Variants in SP110 observed in about 807,000 individuals in gnomAD.
SP110 encodes SP110 nuclear body protein.
SP110 carries 62 observed loss-of-function variants against 92.7 expected under a neutral mutation model. The observed-to-expected ratio is 0.67, with a 90% CI of 0.55 to 0.83. The LOEUF (loss-of-function observed/expected upper bound fraction) is 0.83, where lower values mean the gene tolerates loss of function less well. Ranked by LOEUF, SP110 falls within the 40% of genes least tolerant of loss-of-function variation. The pLI is 0.00. For synonymous variants in SP110, 273 were observed against 305.3 expected (o/e 0.89, Z 1.10); for missense variants, 793 against 863.9 (o/e 0.92, Z 1.03).
rs1333295135 is a variant in SP110, at chr2:230,202,585, A to T, written c.1042T>A (p.Ser348Thr). The T allele has an allele frequency of 8.7e-6, 14 of 1,614,010 alleles. No homozygotes were observed. The highest frequency in any genetic ancestry group is 8.5e-7 in the Non-Finnish European group (1 of 1,180,014). Residue 348 changes from serine (S) to threonine (T), a missense_variant, in exon 9 of 19, where the codon TCA becomes ACA. By Grantham distance (58) the Ser-to-Thr change is moderately conservative. Transcript: ENST00000258381. ...ARTECARKSRSEEIIDGTSEM... is the reference protein window; with the variant it reads ...ARTECARKSRTEEIIDGTSEM... ...ATTCCATCATCAGCCTTACCCTCTG[A>T]TCTCGACTTTCGGGCACATTCAGTT...
At chr2:230,172,308 A>T in intron 15 of SP110, 134 bp from the exon 16 acceptor site, 2 of 736,072 alleles carry the variant, frequency 2.7e-6, no homozygotes, top group East Asian at 5.1e-5. Context: ...AGTGTCCAAG[A>T]TCCCCACATG....
chr2:230,170,808 C>T, intron 17 of SP110, 47 bp from the exon 18 acceptor site: 5 of 1,598,150 alleles, frequency 3.1e-6, no homozygotes, highest in East Asian at 4.5e-5. Context: ...GCTGTCATCA[C>T]TGGAATGGAT....
rs544471436 is a variant in SP110 at position 230,177,309 on chromosome 2, C to T, written c.1590+229G>A. ...CTCTCTTCACCTCAAAGCCCTTTGC[C>T]GGCATTTAAAGTTCCTGTACTCCTT... On this transcript the variant is annotated intron_variant, in intron 14 of 18. Coordinates refer to ENST00000258381, the MANE Select transcript of SP110 (RefSeq NM_080424.4). 45 of 571,048 alleles carry T rather than the reference C, an allele frequency of 7.9e-5. 1 individual carries two copies. Among genetic ancestry groups the T allele is most frequent in the African/African-American group, 3.4e-4 (18 of 53,228 alleles). The allele number at this position is 571,048 out of a possible 1,614,324, so 35.4% of individuals were successfully genotyped here.
At position 230,180,466 on chromosome 2, in the gene SP110, T is replaced by TA. The variant is rs2042081962; in HGVS notation, c.1349-2212dup. On this transcript the variant is annotated intron_variant, in intron 12 of 18. Coordinates refer to ENST00000258381, the MANE Select transcript of SP110 (RefSeq NM_080424.4). ...GATGGGGCGGTGGGAGGAAAAGTGATAGTCAAGGAAACAGTAAGAGCAGCA... is the reference window on the plus strand; with the variant it reads ...GATGGGGCGGTGGGAGGAAAAGTGATAAGTCAAGGAAACAGTAAGAGCAGCA... 1.3e-5 allele frequency among the ~76,000 whole-genome samples: 2 copies of TA among 151,958 alleles called. 1 individual carries two copies. The highest frequency in any genetic ancestry group is 4.2e-4 in the South Asian group (2 of 4,806).
intron 12 of SP110, among the ~76,000 whole-genome samples, chr2:230,181,573 A>G (rs2042128240): frequency 6.6e-6 from 1 of 152,240 alleles, no homozygotes; most frequent in Non-Finnish European, 1.5e-5. Context: ...TCTAATATCC[A>G]GAATTTACAA....
chr2:230,215,372 A>C (rs2045009395), intron 2 of SP110, among the ~76,000 whole-genome samples: 1 of 152,234 alleles, frequency 6.6e-6, no homozygotes, highest in South Asian at 2.1e-4. Context: ...TATATTCTGA[A>C]TCCAACTTTC....
intron 7 of SP110, among the ~76,000 whole-genome samples, chr2:230,209,227 G>T (rs558277786): frequency 6.2e-4 from 94 of 152,266 alleles, no homozygotes; most frequent in African/African-American, 2.2e-3. Flanking sequence ...TCTATAGCTT[G>T]CCTTTGGGTA....
intron 3 of SP110, 27 bp downstream of exon 3, chr2:230,214,923 C>T: frequency 6.8e-6 from 11 of 1,607,462 alleles, no homozygotes; most frequent in Non-Finnish European, 8.5e-6. Flanking sequence ...TTTTTAAATG[C>T]AAAAAGCACT....
chr2:230,165,575 G>A lies in SP110; in HGVS notation c.*3549C>T, dbSNP rs1297992941. 6.6e-6 allele frequency among the ~76,000 whole-genome samples: 1 copy of A among 151,956 alleles called. No individual in the cohort carries two copies. Among genetic ancestry groups the A allele is most frequent in the Non-Finnish European group, 1.5e-5 (1 of 68,002 alleles). ...AATTGAATAGAATAAACATTATAGA[G>A]TAAAAGCAAAAAAATTAATACTAAT... On this transcript the variant is annotated 3_prime_UTR_variant, in exon 19 of 19. Coordinates refer to ENST00000258381, the MANE Select transcript of SP110 (RefSeq NM_080424.4).
At position 230,172,904 on chromosome 2, in the gene SP110, C is replaced by T; in HGVS notation, c.1646G>A (p.Cys549Tyr). The change falls in exon 15 of 19, where the codon TGC becomes TAC. Residue 549 changes from cysteine (C) to tyrosine (Y), a missense_variant. Transcript: ENST00000258381. ...ATGGAAGACTCGTGGACAAGTACCG[C>T]AGCAGAGAAGTTGTCCCCCTTGACA... The part of the protein sequence containing the change: ...VCCQGGQLLC[C>Y]GTCPRVFHED... 4 of 1,614,210 alleles carry T rather than the reference C, an allele frequency of 2.5e-6. No individual in the cohort carries two copies. The South Asian group carries it at 3.3e-5, about 13-fold the overall frequency.
chr2:230,171,537 A>G (rs2078440331), intron 17 of SP110, 159 bp downstream of exon 17: 2 of 695,738 alleles, frequency 2.9e-6, no homozygotes, highest in Non-Finnish European at 2.7e-6. Flanking sequence ...GTCCCTCTCC[A>G]GAGTGTGCAG....
chr2:230,222,840 GTTTT>G (rs35018428), upstream of SP110, among the ~76,000 whole-genome samples: 1 of 128,940 alleles, frequency 7.8e-6, no homozygotes. Context: ...GTGTATTAAA[GTTTT>G]TTTTTTTTTT....
At chr2:230,172,366 G>A (rs1052426591) in intron 15 of SP110, 192 bp from the exon 16 acceptor site, 14 of 638,632 alleles carry the variant, frequency 2.2e-5, no homozygotes, top group African/African-American at 5.4e-5. Context: ...AGCGGCAGGC[G>A]GGCAGCCTGA....
chr2:230,203,116 G>T, intron 8 of SP110: 1 of 243,258 alleles, frequency 4.1e-6, no homozygotes, highest in South Asian at 5.4e-5. Flanking sequence ...GCCTGTGTGT[G>T]GTACAAGAGA....
chr2:230,221,964 C>T (rs2045856054), upstream of SP110, among the ~76,000 whole-genome samples: 1 of 152,178 alleles, frequency 6.6e-6, no homozygotes, highest in Non-Finnish European at 1.5e-5. Context: ...GTGGCTCAGG[C>T]CTGTAGCTTA....
At position 230,175,706 on chromosome 2, in the gene SP110, G is replaced by T. The variant is rs112435635; in HGVS notation, c.1590+1832C>A. Among the ~76,000 whole-genome samples the T allele has an allele frequency of 8.4e-3, 1,278 of 152,248 alleles. 16 individuals are homozygous for T. The highest frequency in any genetic ancestry group is 0.029 in the African/African-American group (1,216 of 41,532). The stretch of plus-strand genomic sequence containing the variant: ...TCTGGAGAACACATCTAAGCAAGTA[G>T]AGGAGGTTGAGGAGGGGGAGTTAGT... On this transcript the variant is annotated intron_variant, in intron 14 of 18. Coordinates refer to ENST00000258381, the MANE Select transcript of SP110 (RefSeq NM_080424.4).
In SP110 at chr2:230,169,228, A is replaced by G. The variant is rs1371302119; in HGVS notation, c.2038T>C (p.Phe680Leu). The stretch of plus-strand genomic sequence containing the variant: ...TCTAAGTCAAGTCCTACCTGGCCAA[A>G]GTCAGAAGCCTGAAAGAGAAAAAAG... ...NHKTFYKASDFGQVGLDLEAE... is the reference protein window; with the variant it reads ...NHKTFYKASDLGQVGLDLEAE... The change falls in exon 19 of 19, where the codon TTT becomes CTT. Residue 680 changes from phenylalanine to leucine, a missense_variant. Transcript: ENST00000258381. 2 of 1,593,272 alleles carry G rather than the reference A, an allele frequency of 1.3e-6. No homozygotes were observed. The highest frequency in any genetic ancestry group is 1.7e-6 in the Non-Finnish European group (2 of 1,160,960).
chr2:230,208,199 G>A (rs774878560), intron 7 of SP110, 140 bp from the exon 8 acceptor site: 5 of 623,750 alleles, frequency 8.0e-6, no homozygotes, highest in Non-Finnish European at 1.4e-5. Flanking sequence ...GGTACTTCAG[G>A]GAGTAATAGG....
chr2:230,198,339 G>A (rs992838448), intron 10 of SP110, among the ~76,000 whole-genome samples: 3 of 152,170 alleles, frequency 2.0e-5, no homozygotes, highest in Non-Finnish European at 2.9e-5. Context: ...TCCTGCAAGG[G>A]GGATGATAAT....
Sources: gnomAD v4.1 joint callset for allele counts (sites outside exome capture counted in the v4.1 genomes callset) on GRCh38, gnomAD v4.1.1 for gene constraint, MANE v1.5 for transcripts, NCBI Gene and HGNC (gene_info 2026-07-23, HGNC 2026-07-21) for gene names.